The following GRID2IP variants were observed in gnomAD, a reference collection of about 807,000 sequenced individuals.
GRID2IP encodes the protein Grid2 interacting protein, also known as delphilin.
GRID2IP carries 78 observed loss-of-function variants against 114.3 expected under a neutral mutation model. That is an observed-to-expected ratio of 0.68 (90% CI 0.57 to 0.82). GRID2IP has a LOEUF of 0.82. GRID2IP is among the 40% of genes least tolerant of loss of function. The pLI is 0.00. For synonymous variants in GRID2IP, 809 were observed against 724.0 expected (o/e 1.12, Z -1.89); for missense variants, 1,727 against 1,678.5 (o/e 1.03, Z -0.51).
intron 14 of GRID2IP, among the ~76,000 whole-genome samples, chr7:6,505,190 G>A (rs1217379587): frequency 2.6e-5 from 4 of 152,136 alleles, no homozygotes; most frequent in Admixed American, 1.3e-4. Context: ...CCTGGAAGAT[G>A]TATTTGTGGA....
intron 7 of GRID2IP, among the ~76,000 whole-genome samples, chr7:6,517,052 CT>C (rs1364651036): frequency 6.6e-6 from 1 of 150,926 alleles, no homozygotes; most frequent in Non-Finnish European, 1.5e-5. Context: ...TGTCTTGTGT[CT>C]TTCTTTCTTT....
chr7:6,510,862 G>A, intron 9 of GRID2IP, 46 bp downstream of exon 9: 1 of 1,537,428 alleles, frequency 6.5e-7, no homozygotes, highest in Non-Finnish European at 8.8e-7. Flanking sequence ...TTTGCAGGTG[G>A]GAAAACTGAG....
Position 6,496,882 on chromosome 7 carries a change from C to A in GRID2IP, c.*892G>T, listed in dbSNP as rs1416241670. 6.6e-6 allele frequency among the ~76,000 whole-genome samples: 1 copy of A among 152,106 alleles called. No homozygotes were observed. Among genetic ancestry groups the A allele is most frequent in the Non-Finnish European group, 1.5e-5 (1 of 68,020 alleles). On this transcript the variant is annotated 3_prime_UTR_variant, in exon 22 of 22. Coordinates refer to ENST00000457091, the MANE Select transcript of GRID2IP (RefSeq NM_001145118.2). ...CGCCACCTGCTCCTGCTCCTGGTAT[C>A]CAGGTAACTCCTGCTATATGCCTAG...
chr7:6,506,063 G>A lies in GRID2IP; in HGVS notation c.2545-156C>T, dbSNP rs963890313. ...CCCGGAGCAGGAGGAGACTGCAGGA[G>A]AAGCCAGATCATCCGAGTCACCGGG... On this transcript the variant is annotated intron_variant, in intron 13 of 21. Transcript: ENST00000457091. This position sits in a 1 kb window ranked among gnomAD's most constrained non-coding sequence, Gnocchi z 5.2. 3.9e-5 allele frequency among the ~76,000 whole-genome samples: 6 copies of A among 152,202 alleles called. No individual in the cohort carries two copies. The highest frequency in any genetic ancestry group is 7.3e-5 in the Non-Finnish European group (5 of 68,030).
chr7:6,535,873 C>G (rs146030343), intron 2 of GRID2IP, among the ~76,000 whole-genome samples: 87 of 152,220 alleles, frequency 5.7e-4, no homozygotes, highest in African/African-American at 2.0e-3. Context: ...CTGGCCCATC[C>G]GAACTCTCCT....
At position 6,520,418 on chromosome 7, in the gene GRID2IP, G is replaced by A. The variant is rs189060261; in HGVS notation, c.1268+160C>T. On this transcript the variant is annotated intron_variant, in intron 7 of 21. Transcript: ENST00000457091. The surrounding 1 kb of genome is among the most constrained non-coding windows in gnomAD (Gnocchi z 4.6). ...GAGATTGTTCCAGGGCAGCTCAATT[G>A]CCCACCACCCTGGGGCCCCTGATAC... Among the ~76,000 whole-genome samples the A allele has an allele frequency of 0.011, 1,655 of 152,258 alleles. 15 individuals carry two copies. The highest frequency in any genetic ancestry group is 0.034 in the South Asian group (166 of 4,822).
At chr7:6,531,116 C>A in intron 2 of GRID2IP, 1 of 532,244 alleles carries the variant, frequency 1.9e-6, no homozygotes, top group Non-Finnish European at 3.3e-6. Flanking sequence ...GAGCCGGGGA[C>A]CGCGGCGCGG....
intron 7 of GRID2IP, among the ~76,000 whole-genome samples, chr7:6,518,631 G>C (rs28504332): frequency 0.1 from 15,488 of 151,966 alleles, 2,074 homozygotes; most frequent in African/African-American, 0.31. Context: ...AGCTACTCGG[G>C]AGGCTGAGGC....
intron 14 of GRID2IP, among the ~76,000 whole-genome samples, chr7:6,505,589 G>A (rs962007213): frequency 6.6e-6 from 1 of 152,044 alleles, no homozygotes; most frequent in Admixed American, 6.6e-5. Flanking sequence ...GGCTGGTCTC[G>A]AACCCCTGAG....
At position 6,502,875 on chromosome 7, in the gene GRID2IP, G is replaced by A. The variant is rs929998399; in HGVS notation, c.3064-3C>T. ...TAGTTGCCCATGGCCAACACAAACTGTGGACAAGAAGGTGGGTAGGTCCTG... is the reference window on the plus strand; with the variant it reads ...TAGTTGCCCATGGCCAACACAAACTATGGACAAGAAGGTGGGTAGGTCCTG... On this transcript the variant is annotated splice_polypyrimidine_tract_variant and splice_region_variant and intron_variant, in intron 17 of 21. Coordinates refer to ENST00000457091, the MANE Select transcript of GRID2IP (RefSeq NM_001145118.2). 7 of 1,551,276 alleles carry A rather than the reference G, an allele frequency of 4.5e-6. No homozygotes were observed. The highest frequency in any genetic ancestry group is 1.7e-4 in the Middle Eastern group (1 of 5,990).
intron 1 of GRID2IP, among the ~76,000 whole-genome samples, chr7:6,546,667 T>C (rs1277625688): frequency 6.6e-6 from 1 of 151,940 alleles, no homozygotes; most frequent in Admixed American, 6.6e-5. Flanking sequence ...TCAGCTTTTG[T>C]GGGTGCCCAG....
At chr7:6,547,652 A>T (rs55837403) in intron 1 of GRID2IP, among the ~76,000 whole-genome samples, 5,879 of 152,202 alleles carry the variant, frequency 0.039, 410 homozygotes, top group African/African-American at 0.13. Context: ...GACTTTGGTG[A>T]TGTAGGGAAG....
intron 20 of GRID2IP, among the ~76,000 whole-genome samples, chr7:6,499,590 C>T (rs1786357085): frequency 6.6e-6 from 1 of 152,160 alleles, no homozygotes; most frequent in Admixed American, 6.5e-5. Context: ...GGCACCATAC[C>T]TGGCTAATTT....
At chr7:6,503,714 G>C in intron 15 of GRID2IP, 27 bp from the exon 16 acceptor site, 1 of 1,440,746 alleles carries the variant, frequency 6.9e-7, no homozygotes, top group Non-Finnish European at 9.1e-7. Flanking sequence ...GCGGTGAGCT[G>C]GGCGGGGCCG....
chr7:6,533,951 C>G (rs547966933), intron 2 of GRID2IP, among the ~76,000 whole-genome samples: 54 of 152,124 alleles, frequency 3.5e-4, no homozygotes, highest in Non-Finnish European at 6.3e-4. Flanking sequence ...CACCCAGTCC[C>G]AATAACTCTA....
Position 6,551,144 on chromosome 7 carries a change from G to A in GRID2IP, c.293C>T (p.Pro98Leu), listed in dbSNP as rs573483780. 8 of 1,324,870 alleles carry A rather than the reference G, an allele frequency of 6.0e-6. No homozygotes were observed. In the African/African-American group the frequency reaches 9.4e-5, roughly 16 times the overall value. 82.1% of individuals were successfully genotyped at this position (1,324,870 alleles called of 1,614,324 possible). The change falls in exon 1 of 22, where the codon CCG (proline) becomes CTG (leucine). Residue 98 changes from proline (P) to leucine (L), a missense_variant. By Grantham distance (98) the Pro-to-Leu change is moderately conservative (BLOSUM62 -3). Transcript: ENST00000457091. ...GPGPGSGPAA[P>L]TTVLRAPRCG... ...CCGCGGGGCCCGCAAGACTGTGGTCGGGGCCGCGGGGCCGGATCCTGGGCC... is the reference window on the plus strand; with the variant it reads ...CCGCGGGGCCCGCAAGACTGTGGTCAGGGCCGCGGGGCCGGATCCTGGGCC...
intron 21 of GRID2IP, 64 bp downstream of exon 21, chr7:6,498,000 C>T: frequency 6.8e-7 from 1 of 1,463,072 alleles, no homozygotes; most frequent in Non-Finnish European, 9.1e-7. Context: ...ATGGAGGATC[C>T]CTTCATTTGG....
intron 1 of GRID2IP, among the ~76,000 whole-genome samples, chr7:6,547,191 C>A (rs1382168101): frequency 1.3e-5 from 2 of 152,148 alleles, no homozygotes; most frequent in African/African-American, 4.8e-5. Context: ...AGTCTACTGA[C>A]CCCCTAGAGG....
chr7:6,538,332 C>T (rs1018864765), intron 2 of GRID2IP, among the ~76,000 whole-genome samples: 3 of 152,148 alleles, frequency 2.0e-5, no homozygotes, highest in Admixed American at 2.0e-4. Context: ...TGGCACTACC[C>T]TCCTGCCTGG....
Sources: gnomAD v4.1 joint callset for allele counts (sites outside exome capture counted in the v4.1 genomes callset) on GRCh38, gnomAD v4.1.1 for gene constraint, Gnocchi (gnomAD v3.1) non-coding constraint, MANE v1.5 for transcripts, NCBI Gene and HGNC (gene_info 2026-07-23, HGNC 2026-07-21) for gene names.